The following PDE11A variants were observed in gnomAD, a reference collection of about 807,000 sequenced individuals.
PDE11A encodes dual 3',5'-cyclic-AMP and -GMP phosphodiesterase 11A.
PDE11A carries 100 observed loss-of-function variants against 100.5 expected under a neutral mutation model. The observed-to-expected ratio is 1.00, with a 90% CI of 0.85 to 1.18. PDE11A has a LOEUF of 1.18. PDE11A is among the 50% of genes most tolerant of loss of function. PDE11A has a pLI of 0.00. For synonymous variants in PDE11A, 381 were observed against 420.8 expected, an observed-to-expected ratio of 0.91 and a Z score of 1.16; for missense variants, 1,141 against 1,152.6, an observed-to-expected ratio of 0.99 and a Z score of 0.15.
At chr2:177,876,364 A>T (rs1208378999) in intron 4 of PDE11A, among the ~76,000 whole-genome samples, 1 of 149,236 alleles carries the variant, frequency 6.7e-6, no homozygotes, top group Non-Finnish European at 1.5e-5. Flanking sequence ...TTGGCTCATC[A>T]TTGTTCTCAG....
At chr2:177,970,254 T>A (rs903408165) in intron 2 of PDE11A, among the ~76,000 whole-genome samples, 2 of 152,152 alleles carry the variant, frequency 1.3e-5, no homozygotes, top group African/African-American at 4.8e-5. Context: ...ATATTTAAAC[T>A]GACACGTTTA....
chr2:177,712,143 G>T (rs2081367083), intron 12 of PDE11A, among the ~76,000 whole-genome samples: 1 of 152,180 alleles, frequency 6.6e-6, no homozygotes, highest in Admixed American at 6.5e-5. Flanking sequence ...TTAGAGAGAA[G>T]GTTGGACTAT....
rs1416259698 is a variant in PDE11A at position 177,974,459 on chromosome 2, G to C, written c.1071+39843C>G. Among the ~76,000 whole-genome samples the C allele has an allele frequency of 2.8e-4, 15 of 54,482 alleles. 1 individual carries two copies. Among genetic ancestry groups the C allele is most frequent in the East Asian group, 4.5e-4 (1 of 2,228 alleles). The allele number at this position is 54,482 out of a possible 152,430, so 35.7% of individuals were successfully genotyped here. On this transcript the variant is annotated intron_variant, in intron 2 of 19. Coordinates refer to ENST00000286063, the MANE Select transcript of PDE11A (RefSeq NM_016953.4). ...ATGTGAAAAGACCAAATCTACGTCT[G>C]ATTGGTGTACCTGAAAGTGATGTGG... is the stretch of plus-strand genomic sequence containing the variant.
intron 4 of PDE11A, among the ~76,000 whole-genome samples, chr2:177,893,067 G>A (rs564482731): frequency 1.3e-5 from 2 of 152,200 alleles, no homozygotes; most frequent in African/African-American, 4.8e-5. Flanking sequence ...AATTGAGTCT[G>A]GGAGCAAGGT....
chr2:177,835,615 C>T (rs1294678398), intron 6 of PDE11A, among the ~76,000 whole-genome samples: 2 of 152,192 alleles, frequency 1.3e-5, no homozygotes, highest in Non-Finnish European at 2.9e-5. Flanking sequence ...TGTGGGAGCC[C>T]CTCTCTGGGC....
chr2:178,087,800 G>A (rs910986267), intron 2 of PDE11A, among the ~76,000 whole-genome samples: 12 of 152,162 alleles, frequency 7.9e-5, no homozygotes, highest in African/African-American at 2.9e-4. Context: ...TTATTTGAAA[G>A]TAGTTTTATA....
chr2:178,074,485 T>G (rs547264968), upstream of PDE11A, among the ~76,000 whole-genome samples: 151 of 152,210 alleles, frequency 9.9e-4, no homozygotes, highest in African/African-American at 3.6e-3. Context: ...TGAGTAGAGA[T>G]CTGATGAAAA....
At chr2:177,836,004 C>T (rs1307506226) in intron 6 of PDE11A, among the ~76,000 whole-genome samples, 4 of 152,224 alleles carry the variant, frequency 2.6e-5, no homozygotes, top group Non-Finnish European at 4.4e-5. Flanking sequence ...GAGCGCTGCC[C>T]CCTGCTCTGC....
intron 10 of PDE11A, among the ~76,000 whole-genome samples, chr2:177,764,435 A>C (rs2082212315): frequency 6.6e-6 from 1 of 152,208 alleles, no homozygotes; most frequent in South Asian, 2.1e-4. Context: ...AACATCCATG[A>C]GTTGATTTTA....
intron 4 of PDE11A, among the ~76,000 whole-genome samples, chr2:177,883,253 G>T (rs1489758742): frequency 6.9e-6 from 1 of 145,748 alleles, no homozygotes; most frequent in African/African-American, 2.6e-5. Context: ...AAGTGACACA[G>T]CAAGACTCTG....
intron 15 of PDE11A, among the ~76,000 whole-genome samples, chr2:177,684,494 C>G (rs2105511376): frequency 6.6e-6 from 1 of 152,334 alleles, no homozygotes; most frequent in South Asian, 2.1e-4. Flanking sequence ...TTGAACCACT[C>G]ACCTCACTTG....
intron 1 of PDE11A, among the ~76,000 whole-genome samples, chr2:178,024,535 G>T (rs1294308884): frequency 6.6e-6 from 1 of 152,112 alleles, no homozygotes; most frequent in Non-Finnish European, 1.5e-5. Context: ...TTCCCTGAAG[G>T]CTTCATGAAC....
At chr2:178,074,801 G>A (rs11676719), upstream of PDE11A, among the ~76,000 whole-genome samples, 13,469 of 152,200 alleles carry the variant, frequency 0.088, 662 homozygotes, top group Non-Finnish European at 0.12. Context: ...TTCGAGCTGC[G>A]TTTTGAATCG....
At chr2:177,854,221 A>T (rs942949234) in intron 5 of PDE11A, among the ~76,000 whole-genome samples, 2 of 151,944 alleles carry the variant, frequency 1.3e-5, no homozygotes, top group Non-Finnish European at 1.5e-5. Context: ...TATAGCTTTC[A>T]TTCTCGTCTG....
intron 1 of PDE11A, among the ~76,000 whole-genome samples, chr2:178,067,622 C>T (rs193065158): frequency 1.3e-5 from 2 of 152,242 alleles, no homozygotes; most frequent in East Asian, 3.9e-4. Context: ...TCCATGAAGT[C>T]TTTCATTATG....
At chr2:177,830,389 C>T (rs1314974051) in intron 6 of PDE11A, among the ~76,000 whole-genome samples, 1 of 152,024 alleles carries the variant, frequency 6.6e-6, no homozygotes, top group African/African-American at 2.4e-5. Context: ...CACTTGAGGT[C>T]AGGAGTTCAA....
intron 9 of PDE11A, among the ~76,000 whole-genome samples, chr2:177,803,325 CAACAACAAA>C (rs2082820347): frequency 1.4e-5 from 2 of 147,114 alleles, no homozygotes; most frequent in South Asian, 4.3e-4. Flanking sequence ...ACAACAACAA[CAACAACAAA>C]AAGACCAGGA....
In PDE11A at chr2:177,962,436, T is replaced by C. The variant is rs1275303380; in HGVS notation, c.1071+51866A>G. Among the ~76,000 whole-genome samples, 10 of 152,198 alleles carry C rather than the reference T, an allele frequency of 6.6e-5. No homozygotes were observed. The East Asian group carries it at 1.9e-3, about 29-fold the overall frequency. ...CCCATTTAATTATATAATGAATTTA[T>C]ATAGTATACTATCATGGATATAAAA... On this transcript the variant is annotated intron_variant, in intron 2 of 19. Transcript: ENST00000286063.
At chr2:177,637,998 T>TATATATATATATATATA (rs1491152209) in intron 19 of PDE11A, among the ~76,000 whole-genome samples, 39 of 22,160 alleles carry the variant, frequency 1.8e-3, no homozygotes, top group African/African-American at 4.0e-3. Flanking sequence ...TATATATATA[T>TATATATATATATATATA]TTTTTTTTTT....
Sources: gnomAD v4.1 joint callset for allele counts (sites outside exome capture counted in the v4.1 genomes callset) on GRCh38, gnomAD v4.1.1 for gene constraint, MANE v1.5 for transcripts, NCBI Gene and HGNC (gene_info 2026-07-23, HGNC 2026-07-21) for gene names.